Variants in MED12L observed in about 807,000 individuals in gnomAD.
MED12L encodes the protein mediator of RNA polymerase II transcription subunit 12-like protein.
In MED12L, 60 loss-of-function variants were observed where a neutral mutation model predicts 281.3. That is an observed-to-expected ratio of 0.21 (90% CI 0.17 to 0.26). The LOEUF is 0.26. MED12L is among the 10% of genes least tolerant of loss of function. The pLI, the probability that MED12L is intolerant of heterozygous loss-of-function variation, is 1.00. For missense variants in MED12L, 2,146 were observed against 2,680.9 expected (o/e 0.80, Z 4.41); for synonymous variants, 974 against 987.2 (o/e 0.99, Z 0.25).
chr3:151,248,442 T>C (rs1331328931), intron 16 of MED12L, among the ~76,000 whole-genome samples: 1 of 152,184 alleles, frequency 6.6e-6, no homozygotes, highest in Non-Finnish European at 1.5e-5. Context: ...GTCTGGTTTT[T>C]GTTTTCTTTC....
At position 151,185,380 on chromosome 3, in the gene MED12L, G is replaced by C; in HGVS notation, c.1545G>C (p.Val515=). 1.2e-6 allele frequency: 2 copies of C among 1,613,974 alleles called. No individual in the cohort carries two copies. Among genetic ancestry groups the C allele is most frequent in the African/African-American group, 1.3e-5 (1 of 74,974 alleles). The change falls in exon 12 of 45, where the codon GTG becomes GTC. Residue 515 remains valine, a synonymous_variant. Transcript: ENST00000687756. ...AVVTLLCEWA[V]SCKRSGKHRA... is the part of the protein sequence containing the mutation. The stretch of plus-strand genomic sequence containing the variant: ...TGACGCTGTTATGTGAATGGGCCGT[G>C]AGCTGCAAACGGTCTGGCAAGCACA...
chr3:151,160,794 G>C (rs1719884082), intron 8 of MED12L, among the ~76,000 whole-genome samples: 1 of 152,182 alleles, frequency 6.6e-6, no homozygotes, highest in Non-Finnish European at 1.5e-5. Context: ...AAGGGCTGTT[G>C]GGGAGATACA....
intron 11 of MED12L, among the ~76,000 whole-genome samples, chr3:151,172,685 A>G (rs952577010): frequency 6.6e-5 from 10 of 152,254 alleles, no homozygotes; most frequent in Non-Finnish European, 1.3e-4. Context: ...TAAGGAAAAA[A>G]GTCAGTTTCT....
intron 2 of MED12L, among the ~76,000 whole-genome samples, chr3:151,090,401 A>G (rs192300037): frequency 3.3e-5 from 5 of 152,226 alleles, no homozygotes; most frequent in Admixed American, 1.3e-4. Context: ...GGCTTTTCTG[A>G]TATATCATTT....
At position 151,159,949 on chromosome 3, in the gene MED12L, C is replaced by T. The variant is rs1719768265; in HGVS notation, c.955C>T (p.His319Tyr). 1 of 1,614,234 alleles carries T rather than the reference C, an allele frequency of 6.2e-7. No homozygotes were observed. The change falls in exon 8 of 45, where the codon CAC becomes TAC. Residue 319 changes from histidine to tyrosine, a missense_variant. Physicochemically the swap from His to Tyr is moderately conservative, Grantham distance 83. Coordinates refer to ENST00000687756, the MANE Select transcript of MED12L (RefSeq NM_001393769.1). ...SPNLLAAHSP[H>Y]MMIGPNNSSI... ...CAACCTCCTTGCTGCCCACTCACCC[C>T]ACATGATGATAGGACCAAACAACTC...
chr3:151,241,444 G>A (rs903530880), intron 16 of MED12L, among the ~76,000 whole-genome samples: 17 of 151,982 alleles, frequency 1.1e-4, no homozygotes, highest in African/African-American at 2.4e-4. Context: ...GATCCCTAGC[G>A]ACTTATTAAA....
At chr3:151,427,799 T>C (rs1446937580) in intron 43 of MED12L, among the ~76,000 whole-genome samples, 1 of 152,206 alleles carries the variant, frequency 6.6e-6, no homozygotes, top group Non-Finnish European at 1.5e-5. Context: ...TGTTGATCTA[T>C]TGCATAGCAA....
At chr3:151,271,017 CA>C (rs56917310) in intron 16 of MED12L, among the ~76,000 whole-genome samples, 49,488 of 143,694 alleles carry the variant, frequency 0.34, 8,251 homozygotes, top group East Asian at 0.5. Context: ...ACCCAAAAAC[CA>C]AAAAAAAAAA....
intron 42 of MED12L, among the ~76,000 whole-genome samples, chr3:151,415,180 T>C (rs1717401223): frequency 1.3e-5 from 2 of 152,256 alleles, no homozygotes; most frequent in Non-Finnish European, 2.9e-5. Context: ...TTAGACCATA[T>C]GTACTTTTTA....
rs116310539 is a variant in MED12L at position 151,124,677 on chromosome 3, A to G, written c.396+1703A>G. Among the ~76,000 whole-genome samples the G allele has an allele frequency of 3.1e-3, 478 of 152,314 alleles. 5 individuals carry two copies. Among genetic ancestry groups the G allele is most frequent in the African/African-American group, 0.011 (462 of 41,574 alleles). ...TTTGAAATCTTACCTTGAGTTCATA[A>G]TAGTTTCCTGTATGGATCATGTTTC... On this transcript the variant is annotated intron_variant, in intron 4 of 44. Coordinates refer to ENST00000687756, the MANE Select transcript of MED12L (RefSeq NM_001393769.1).
chr3:151,179,775 A>C (rs972507322), intron 11 of MED12L, among the ~76,000 whole-genome samples: 2 of 152,218 alleles, frequency 1.3e-5, no homozygotes, highest in Non-Finnish European at 2.9e-5. Context: ...CAGACATTGA[A>C]ATCTGGCCCA....
intron 5 of MED12L, among the ~76,000 whole-genome samples, chr3:151,144,095 C>G (rs1717422755): frequency 2.0e-5 from 3 of 152,100 alleles, no homozygotes; most frequent in South Asian, 4.1e-4. Context: ...TTCAGTGTGT[C>G]CCTCTGTTAG....
intron 16 of MED12L, chr3:151,338,287 G>A (rs1212003771): frequency 6.2e-7 from 1 of 1,613,998 alleles, no homozygotes; most frequent in South Asian, 1.1e-5. Context: ...ACTATTTCAT[G>A]CCAGACTAGA....
intron 16 of MED12L, among the ~76,000 whole-genome samples, chr3:151,229,299 G>T (rs1731137681): frequency 6.9e-6 from 1 of 145,678 alleles, no homozygotes. Flanking sequence ...TATAAATTCA[G>T]CAATTCTTTT....
At position 151,127,704 on chromosome 3, in the gene MED12L, A is replaced by T. The variant is rs1020563667; in HGVS notation, c.397-121A>T. On this transcript the variant is annotated intron_variant, in intron 4 of 44. Transcript: ENST00000687756. The stretch of plus-strand genomic sequence containing the variant: ...CTATTTGAAAATCCATCAAGGATAT[A>T]CTTTCTTAGGGCCAGCAGGTAACTT... The T allele has an allele frequency of 6.0e-6, 4 of 669,548 alleles. No homozygotes were observed. In the African/African-American group the frequency reaches 7.3e-5, roughly 12 times the overall value. 41.5% of individuals were successfully genotyped at this position (669,548 alleles called of 1,614,324 possible). A position where few individuals can be genotyped will look rare whatever the true frequency, so the allele number is the denominator to read the frequency against.
intron 16 of MED12L, among the ~76,000 whole-genome samples, chr3:151,228,459 C>A (rs1451277301): frequency 6.6e-6 from 1 of 152,020 alleles, no homozygotes; most frequent in Non-Finnish European, 1.5e-5. Flanking sequence ...GACAGTTTCC[C>A]CTCTTCTTTA....
At chr3:151,348,511 T>A (rs1172423515) in intron 16 of MED12L, among the ~76,000 whole-genome samples, 2 of 151,972 alleles carry the variant, frequency 1.3e-5, no homozygotes, top group African/African-American at 2.4e-5. Flanking sequence ...TTTTGAAAAT[T>A]TGGGAGAGGT....
Position 151,156,771 on chromosome 3 carries a change from G to A in MED12L, c.726+441G>A, listed in dbSNP as rs565069919. ...CAGAGCTGAGGGGAGGGGTAAGGGC[G>A]TTTAGGAATGACTGAACTCTCACCC... On this transcript the variant is annotated intron_variant, in intron 6 of 44. Coordinates refer to ENST00000687756, the MANE Select transcript of MED12L (RefSeq NM_001393769.1). Among the ~76,000 whole-genome samples, 8 of 152,256 alleles carry A rather than the reference G, an allele frequency of 5.3e-5. No individual in the cohort carries two copies. The East Asian group carries it at 7.7e-4, about 15-fold the overall frequency.
intron 43 of MED12L, among the ~76,000 whole-genome samples, chr3:151,418,226 T>C (rs1717846963): frequency 6.6e-6 from 1 of 152,192 alleles, no homozygotes; most frequent in South Asian, 2.1e-4. Flanking sequence ...CTTAAGTACT[T>C]TCACTTTTTT....
Sources: allele counts gnomAD v4.1 joint callset (sites outside exome capture counted in the v4.1 genomes callset), GRCh38; gene constraint gnomAD v4.1.1; transcripts MANE v1.5; gene names NCBI Gene and HGNC (gene_info 2026-07-23, HGNC 2026-07-21).